The following WWOX variants were observed in gnomAD, a reference collection of about 807,000 sequenced individuals.
WWOX encodes WW domain-containing oxidoreductase.
Under a neutral mutation model 46.2 loss-of-function variants are expected in WWOX, and 69 were observed. The ratio of observed to expected loss-of-function variants is 1.49; its 90% CI spans 1.23 to 1.82. WWOX has a LOEUF of 1.82. Among genes scored for constraint, WWOX ranks in the 40% most tolerant of loss-of-function variants. WWOX has a pLI of 0.00. For synonymous variants in WWOX, 359 were observed against 202.6 expected, an observed-to-expected ratio of 1.77 and a Z score of -6.56; for missense variants, 919 against 542.6, an observed-to-expected ratio of 1.69 and a Z score of -6.89.
intron 8 of WWOX, among the ~76,000 whole-genome samples, chr16:79,136,622 C>T (rs2049986602): frequency 6.6e-6 from 1 of 152,174 alleles, no homozygotes; most frequent in Non-Finnish European, 1.5e-5. Context: ...GCTACCTGCC[C>T]TTCACTGGTG....
rs577889998 is a variant in WWOX, at chr16:78,412,195, T to C, written c.606-12675T>C. Among the ~76,000 whole-genome samples, 6 of 152,254 alleles carry C rather than the reference T, an allele frequency of 3.9e-5. No individual in the cohort carries two copies. The East Asian group carries it at 7.7e-4, about 20-fold the overall frequency. ...CAGTCATGGAGACTAAAGGAGAAGA[T>C]GGGATAGCACATTGTTTTCCTAAGT... is the stretch of plus-strand genomic sequence containing the variant. On this transcript the variant is annotated intron_variant, in intron 6 of 8. Transcript: ENST00000566780.
At chr16:78,411,712 G>T (rs942507500) in intron 6 of WWOX, among the ~76,000 whole-genome samples, 4 of 152,148 alleles carry the variant, frequency 2.6e-5, no homozygotes, top group Non-Finnish European at 5.9e-5. Flanking sequence ...AAGTCAAGTG[G>T]GAGAATGTAG....
At chr16:78,709,011 A>G (rs1039600207) in intron 8 of WWOX, among the ~76,000 whole-genome samples, 2 of 152,196 alleles carry the variant, frequency 1.3e-5, no homozygotes, top group African/African-American at 4.8e-5. Flanking sequence ...TCAGGCTCAT[A>G]AACTATGTTT....
intron 5 of WWOX, among the ~76,000 whole-genome samples, chr16:78,188,069 A>G (rs1416235075): frequency 6.6e-6 from 1 of 152,204 alleles, no homozygotes; most frequent in Non-Finnish European, 1.5e-5. Flanking sequence ...CAATCGATTA[A>G]AAGGTACTTG....
At chr16:78,552,349 C>T (rs901902130) in intron 8 of WWOX, 7 of 152,210 alleles carry the variant, frequency 4.6e-5, no homozygotes, top group East Asian at 1.9e-4. Flanking sequence ...TCTGCCCCCT[C>T]CATAGCATCT....
chr16:78,166,179 A>C (rs72804976), intron 5 of WWOX, among the ~76,000 whole-genome samples: 12,715 of 150,602 alleles, frequency 0.084, 587 homozygotes, highest in African/African-American at 0.095. Flanking sequence ...TTTTTTTTTT[A>C]AACTTAGTAC....
intron 5 of WWOX, among the ~76,000 whole-genome samples, chr16:78,217,358 A>G (rs1372538740): frequency 1.3e-5 from 2 of 152,232 alleles, no homozygotes; most frequent in East Asian, 3.8e-4. Flanking sequence ...CAGCATGTAT[A>G]TAGGTACAAC....
intron 8 of WWOX, among the ~76,000 whole-genome samples, chr16:79,185,912 G>C (rs918782612): frequency 6.6e-6 from 1 of 151,954 alleles, no homozygotes; most frequent in Admixed American, 6.6e-5. Flanking sequence ...GGAAAAATAC[G>C]GTAAGGCATA....
intron 8 of WWOX, among the ~76,000 whole-genome samples, chr16:79,031,244 C>T (rs967419501): frequency 6.6e-6 from 1 of 152,304 alleles, no homozygotes. Flanking sequence ...TTTCCCATCC[C>T]TGCAGAGCCC....
intron 5 of WWOX, among the ~76,000 whole-genome samples, chr16:78,354,107 T>C (rs1321226132): frequency 1.3e-5 from 2 of 152,188 alleles, no homozygotes; most frequent in Admixed American, 6.5e-5. Context: ...CTGTTTGCAG[T>C]AGTTCCAGTG....
chr16:78,264,610 A>G (rs1019163516), intron 5 of WWOX: 1 of 152,306 alleles, frequency 6.6e-6, no homozygotes, highest in African/African-American at 2.4e-5. Flanking sequence ...CAGAGGGGTG[A>G]TAAGCAAGAG....
At chr16:78,729,593 A>G (rs916939271) in intron 8 of WWOX, among the ~76,000 whole-genome samples, 1 of 152,054 alleles carries the variant, frequency 6.6e-6, no homozygotes, top group Non-Finnish European at 1.5e-5. Context: ...TGGAAGAGAT[A>G]CTGGAAGATC....
intron 8 of WWOX, among the ~76,000 whole-genome samples, chr16:78,974,439 A>T (rs1231362188): frequency 6.6e-6 from 1 of 152,198 alleles, no homozygotes; most frequent in African/African-American, 2.4e-5. Flanking sequence ...TAAATTGTTC[A>T]GCCTCAAGTT....
At chr16:78,870,913 G>A (rs2737280) in intron 8 of WWOX, among the ~76,000 whole-genome samples, 112,357 of 152,120 alleles carry the variant, frequency 0.74, 41,656 homozygotes, top group Middle Eastern at 0.83. Flanking sequence ...AATCTAATCA[G>A]TTCCTTTAAA....
intron 8 of WWOX, among the ~76,000 whole-genome samples, chr16:78,817,893 C>G (rs2051381769): frequency 6.6e-6 from 1 of 152,158 alleles, no homozygotes; most frequent in South Asian, 2.1e-4. Context: ...AAATGAGAAA[C>G]CATCTCATTG....
intron 8 of WWOX, among the ~76,000 whole-genome samples, chr16:78,734,163 G>C (rs1362308753): frequency 6.6e-6 from 1 of 152,134 alleles, no homozygotes; most frequent in African/African-American, 2.4e-5. Flanking sequence ...TTAAATTCTA[G>C]TTAGAGACTT....
At chr16:78,777,029 A>T (rs1377689819) in intron 8 of WWOX, among the ~76,000 whole-genome samples, 1 of 152,224 alleles carries the variant, frequency 6.6e-6, no homozygotes, top group African/African-American at 2.4e-5. Context: ...ATGTGTTTTC[A>T]GATTTTGCAT....
chr16:78,712,396 G>A (rs1207399155), intron 8 of WWOX, among the ~76,000 whole-genome samples: 2 of 152,034 alleles, frequency 1.3e-5, no homozygotes, highest in Non-Finnish European at 2.9e-5. Context: ...TAGTTACTTG[G>A]GAGGCTGAGG....
At chr16:78,109,179 A>T (rs533327866) in intron 2 of WWOX, among the ~76,000 whole-genome samples, 35 of 152,274 alleles carry the variant, frequency 2.3e-4, no homozygotes, top group Admixed American at 1.3e-3. Flanking sequence ...ATAATGTATG[A>T]TCCACGGAAT....
Sources: gnomAD v4.1 joint callset for allele counts (sites outside exome capture counted in the v4.1 genomes callset) on GRCh38, gnomAD v4.1.1 for gene constraint, MANE v1.5 for transcripts, NCBI Gene and HGNC (gene_info 2026-07-23, HGNC 2026-07-21) for gene names.